The following EIF5A2 variants were observed in gnomAD, a reference collection of about 807,000 sequenced individuals.
EIF5A2 encodes eukaryotic translation initiation factor 5A-2.
A neutral mutation model predicts 16.4 loss-of-function variants in EIF5A2; 15 were observed. The ratio of observed to expected loss-of-function variants is 0.92; its 90% CI spans 0.61 to 1.41. EIF5A2 has a LOEUF of 1.41. EIF5A2 is among the 40% of genes most tolerant of loss of function. EIF5A2 has a pLI of 0.00. For missense variants in EIF5A2, 144 were observed against 189.5 expected (o/e 0.76, Z 1.41); for synonymous variants, 48 against 61.1 (o/e 0.79, Z 1.00).
Position 170,892,688 on chromosome 3 carries a change from A to C in EIF5A2, c.*672T>G, listed in dbSNP as rs1712565295. 2.5e-6 allele frequency: 1 copy of C among 398,112 alleles called. No individual in the cohort carries two copies. The highest frequency in any genetic ancestry group is 4.4e-6 in the Non-Finnish European group (1 of 225,922). The allele number at this position is 398,112 out of a possible 1,614,324, so 24.7% of individuals were successfully genotyped here. A position where few individuals can be genotyped will look rare whatever the true frequency, so the allele number is the denominator to read the frequency against. The stretch of plus-strand genomic sequence containing the variant: ...CACTGTCTTTTGTGTCTTCCTTATA[A>C]TCTTACTTGCTAACTAACTTTCACC... On this transcript the variant is annotated 3_prime_UTR_variant, in exon 5 of 5. Coordinates refer to ENST00000295822, the MANE Select transcript of EIF5A2 (RefSeq NM_020390.6).
In EIF5A2 at chr3:170,907,773, C is replaced by A. The variant is rs889674770; in HGVS notation, c.34G>T (p.Ala12Ser). ...ATAGGGTAAGTGCTGGAAGCCCCGG[C>A]ATCTCCAGTAGTGAAATCAATTTCG... ...ADEIDFTTGD[A>S]GASSTYPMQC... The change falls in exon 2 of 5, where the codon GCC becomes TCC. Residue 12 changes from alanine to serine, a missense_variant. Ala to Ser is a moderately conservative substitution (Grantham distance 99). Coordinates refer to ENST00000295822, the MANE Select transcript of EIF5A2 (RefSeq NM_020390.6). 2 of 1,580,102 alleles carry A rather than the reference C, an allele frequency of 1.3e-6. No homozygotes were observed. The highest frequency in any genetic ancestry group is 2.7e-5 in the African/African-American group (2 of 74,392).
chr3:170,905,138 T>A (rs1434065346), intron 3 of EIF5A2, among the ~76,000 whole-genome samples: 1 of 152,242 alleles, frequency 6.6e-6, no homozygotes, highest in Non-Finnish European at 1.5e-5. Context: ...TTTTAAAAAA[T>A]TAGAATTAAT....
At position 170,891,189 on chromosome 3, in the gene EIF5A2, G is replaced by T. The variant is rs1326015956; in HGVS notation, c.*2171C>A. The T allele has an allele frequency of 2.6e-5, 4 of 152,434 alleles. No homozygotes were observed. The highest frequency in any genetic ancestry group is 9.7e-5 in the African/African-American group (4 of 41,402). The allele number at this position is 152,434 out of a possible 1,614,324, so 9.4% of individuals were successfully genotyped here. A position where few individuals can be genotyped will look rare whatever the true frequency, so the allele number is the denominator to read the frequency against. ...TCATAACACCAGCATGGTTAAGAGG[G>T]GCCATATGAATGAACTGCAAGCAGC... On this transcript the variant is annotated 3_prime_UTR_variant, in exon 5 of 5. Coordinates refer to ENST00000295822, the MANE Select transcript of EIF5A2 (RefSeq NM_020390.6).
intron 4 of EIF5A2, among the ~76,000 whole-genome samples, chr3:170,893,718 T>C (rs746028708): frequency 3.3e-5 from 5 of 152,196 alleles, no homozygotes; most frequent in Non-Finnish European, 5.9e-5. Flanking sequence ...AACATTCCAC[T>C]AGCATCATTT....
intron 3 of EIF5A2, among the ~76,000 whole-genome samples, chr3:170,901,561 T>C (rs986438580): frequency 1.4e-5 from 2 of 147,170 alleles, no homozygotes; most frequent in Admixed American, 6.9e-5. Flanking sequence ...ACAGGTGCCT[T>C]CTTTTTTTTT....
At chr3:170,897,835 C>G (rs1310191964) in intron 3 of EIF5A2, among the ~76,000 whole-genome samples, 4 of 152,262 alleles carry the variant, frequency 2.6e-5, no homozygotes, top group Non-Finnish European at 5.9e-5. Flanking sequence ...GAATGGTGTA[C>G]CATGTGCCTG....
rs1193757287 is a variant in EIF5A2, at chr3:170,894,434, A to G, written c.271-11T>C. 6.2e-7 allele frequency: 1 copy of G among 1,613,264 alleles called. No individual in the cohort carries two copies. Among genetic ancestry groups the G allele is most frequent in the Admixed American group, 1.7e-5 (1 of 59,994 alleles). ...TTGAATGCATATCAGCTATTAGAAGAAATTATATCATTTGTGCTGATTAGA... is the reference window on the plus strand; with the variant it reads ...TTGAATGCATATCAGCTATTAGAAGGAATTATATCATTTGTGCTGATTAGA... On this transcript the variant is annotated splice_polypyrimidine_tract_variant and intron_variant, in intron 3 of 4. Transcript: ENST00000295822.
intron 3 of EIF5A2, among the ~76,000 whole-genome samples, chr3:170,902,468 A>T (rs1016043668): frequency 7.9e-6 from 1 of 126,396 alleles, no homozygotes; most frequent in East Asian, 2.4e-4. Context: ...CAGTGGTGTG[A>T]TCTTGGCTCA....
Position 170,889,611 on chromosome 3 carries a change from A to ATTTT in EIF5A2, c.*3745_*3748dup, listed in dbSNP as rs1712480528. 1.3e-5 allele frequency: 2 copies of ATTTT among 152,620 alleles called. No homozygotes were observed. Among genetic ancestry groups the ATTTT allele is most frequent in the South Asian group, 4.1e-4 (2 of 4,830 alleles). 9.5% of individuals were successfully genotyped at this position (152,620 alleles called of 1,614,324 possible). A position where few individuals can be genotyped will look rare whatever the true frequency, so the allele number is the denominator to read the frequency against. On this transcript the variant is annotated 3_prime_UTR_variant, in exon 5 of 5. Transcript: ENST00000295822. ...ATACTGTTAATGGAAATATGCTTAT[A>ATTTT]TTTTCACTCTTACACTGCTTAAGAG... is the stretch of plus-strand genomic sequence containing the variant.
intron 3 of EIF5A2, among the ~76,000 whole-genome samples, chr3:170,904,988 A>C (rs1044715801): frequency 5.3e-5 from 8 of 152,214 alleles, no homozygotes; most frequent in Admixed American, 5.2e-4. Flanking sequence ...CCTGGCTTAA[A>C]TCATCCTCTT....
At position 170,907,878 on chromosome 3, in the gene EIF5A2, G is replaced by A. The variant is rs1712981836; in HGVS notation, c.-35-37C>T. The A allele has an allele frequency of 9.2e-6, 13 of 1,419,596 alleles. No homozygotes were observed. The African/African-American group carries it at 1.6e-4, about 17-fold the overall frequency. The allele number at this position is 1,419,596 out of a possible 1,614,324, so 87.9% of individuals were successfully genotyped here. On this transcript the variant is annotated intron_variant, in intron 1 of 4. Coordinates refer to ENST00000295822, the MANE Select transcript of EIF5A2 (RefSeq NM_020390.6). ...GTTTGTGTTTGCTTTTTAACAACGGGTATGTAGGCAGGGAAACGTCTCATT... is the reference window on the plus strand; with the variant it reads ...GTTTGTGTTTGCTTTTTAACAACGGATATGTAGGCAGGGAAACGTCTCATT...
At position 170,902,227 on chromosome 3, in the gene EIF5A2, G is replaced by A. The variant is rs115853570; in HGVS notation, c.270+4762C>T. 3.2e-3 allele frequency among the ~76,000 whole-genome samples: 494 copies of A among 152,150 alleles called. 3 individuals carry two copies. Among genetic ancestry groups the A allele is most frequent in the African/African-American group, 0.011 (466 of 41,514 alleles). On this transcript the variant is annotated intron_variant, in intron 3 of 4. Transcript: ENST00000295822. ...TGCCTATGACCAGCTGACTGAGAAA[G>A]GAAAATATTCACAATGGTTTCTAGA...
At chr3:170,893,535 G>T (rs1342066199) in intron 4 of EIF5A2, 116 bp from the exon 5 acceptor site, 15 of 1,057,168 alleles carry the variant, frequency 1.4e-5, no homozygotes, top group Non-Finnish European at 2.0e-5. Flanking sequence ...ACTTCTGAAA[G>T]GGGTATTCCA....
rs1172124391 is a variant in EIF5A2 at position 170,891,537 on chromosome 3, A to T, written c.*1823T>A. ...AAAAGTGTGTACAAATTAAGCAACT[A>T]AAACTTGGGATCTTCTGTTACTAAT... On this transcript the variant is annotated 3_prime_UTR_variant, in exon 5 of 5. Coordinates refer to ENST00000295822, the MANE Select transcript of EIF5A2 (RefSeq NM_020390.6). 1 of 152,280 alleles carries T rather than the reference A, an allele frequency of 6.6e-6. No individual in the cohort carries two copies. The highest frequency in any genetic ancestry group is 1.5e-5 in the Non-Finnish European group (1 of 68,020). 9.4% of individuals were successfully genotyped at this position (152,280 alleles called of 1,614,324 possible).
chr3:170,906,909 T>G, intron 3 of EIF5A2, 80 bp downstream of exon 3: 1 of 890,372 alleles, frequency 1.1e-6, no homozygotes, highest in Non-Finnish European at 1.6e-6. Context: ...ACTCTTGGGT[T>G]TTGTCAAATT....
chr3:170,906,252 T>G (rs1712933991), intron 3 of EIF5A2, among the ~76,000 whole-genome samples: 1 of 152,176 alleles, frequency 6.6e-6, no homozygotes, highest in Admixed American at 6.5e-5. Flanking sequence ...AAGCTTTAGT[T>G]ATAAGTAATC....
chr3:170,901,678 G>A (rs1371064502), intron 3 of EIF5A2, among the ~76,000 whole-genome samples: 3 of 151,496 alleles, frequency 2.0e-5, no homozygotes, highest in Non-Finnish European at 4.4e-5. Context: ...CTGATCTCGT[G>A]ATCCGCCTGC....
chr3:170,901,761 T>A (rs540014490), intron 3 of EIF5A2, among the ~76,000 whole-genome samples: 60 of 152,278 alleles, frequency 3.9e-4, no homozygotes, highest in African/African-American at 1.3e-3. Context: ...TAGTTCTAAT[T>A]TCTGAATTTA....
chr3:170,892,852 C>T lies in EIF5A2; in HGVS notation c.*508G>A, dbSNP rs1712569516. 1 of 398,882 alleles carries T rather than the reference C, an allele frequency of 2.5e-6. No individual in the cohort carries two copies. The highest frequency in any genetic ancestry group is 1.3e-4 in the South Asian group (1 of 7,862). 24.7% of individuals were successfully genotyped at this position (398,882 alleles called of 1,614,324 possible). On this transcript the variant is annotated 3_prime_UTR_variant, in exon 5 of 5. Transcript: ENST00000295822. ...TGCATGTGGCCACCAAAATAACTGACAGTTTTTGATAACATGATTTTTGTT... is the reference window on the plus strand; with the variant it reads ...TGCATGTGGCCACCAAAATAACTGATAGTTTTTGATAACATGATTTTTGTT...
Sources: gnomAD v4.1 joint callset for allele counts (sites outside exome capture counted in the v4.1 genomes callset) on GRCh38, gnomAD v4.1.1 for gene constraint, MANE v1.5 for transcripts, NCBI Gene and HGNC (gene_info 2026-07-23, HGNC 2026-07-21) for gene names.